Variants in SNTG2 observed in about 807,000 individuals in gnomAD.
SNTG2 encodes gamma-2-syntrophin.
SNTG2 carries 74 observed loss-of-function variants against 70.9 expected under a neutral mutation model. That is an observed-to-expected ratio of 1.04 (90% confidence interval 0.86 to 1.27). The LOEUF (loss-of-function observed/expected upper bound fraction) is 1.27, where lower values mean the gene tolerates loss of function less well. Among genes scored for constraint, SNTG2 ranks in the 50% most tolerant of loss-of-function variants. SNTG2 has a pLI of 0.00. For missense variants in SNTG2, 717 were observed against 690.7 expected, an observed-to-expected ratio of 1.04 and a Z score of -0.43; for synonymous variants, 278 against 273.8, an observed-to-expected ratio of 1.02 and a Z score of -0.15.
In SNTG2 at chr2:1,335,654, T is replaced by C. The variant is rs572636993; in HGVS notation, c.1488+19279T>C. ...AGTGAATTCCGTTTTCCAAGTATCA[T>C]TGCACTAAATCTAGACATGTACTTC... On this transcript the variant is annotated intron_variant, in intron 16 of 16. Transcript: ENST00000308624. Among the ~76,000 whole-genome samples, 6 of 152,254 alleles carry C rather than the reference T, an allele frequency of 3.9e-5. No homozygotes were observed. In the East Asian group the frequency reaches 1.2e-3, roughly 29 times the overall value.
intron 6 of SNTG2, chr2:1,160,875 A>ATT (rs1670228634): frequency 6.6e-6 from 1 of 152,216 alleles, no homozygotes; most frequent in Non-Finnish European, 1.5e-5. Context: ...CGAGGAAGGA[A>ATT]CCTCTGCTGC....
chr2:1,015,547 G>C (rs1659863985), intron 1 of SNTG2, among the ~76,000 whole-genome samples: 1 of 152,194 alleles, frequency 6.6e-6, no homozygotes, highest in Non-Finnish European at 1.5e-5. Flanking sequence ...CAGACAGACA[G>C]TCCAGCAGGT....
intron 15 of SNTG2, among the ~76,000 whole-genome samples, chr2:1,314,188 A>G (rs34801124): frequency 0.38 from 57,543 of 152,072 alleles, 11,334 homozygotes; most frequent in Middle Eastern, 0.52. Context: ...TCAAATTTGA[A>G]CCAAAGACTC....
chr2:1,136,649 C>CTGTTTT (rs1400201574), intron 4 of SNTG2, among the ~76,000 whole-genome samples: 2 of 152,170 alleles, frequency 1.3e-5, no homozygotes, highest in Admixed American at 6.5e-5. Flanking sequence ...CAGGTTATTA[C>CTGTTTT]TTGTTTTCCA....
At chr2:1,022,932 CAAGAG>C in intron 1 of SNTG2, among the ~76,000 whole-genome samples, 1 of 152,184 alleles carries the variant, frequency 6.6e-6, no homozygotes, top group East Asian at 1.9e-4. Flanking sequence ...CTTTAAGAAA[CAAGAG>C]AAGATAAAGG....
chr2:1,332,362 G>C (rs1166282100), intron 16 of SNTG2, among the ~76,000 whole-genome samples: 1 of 152,126 alleles, frequency 6.6e-6, no homozygotes, highest in East Asian at 1.9e-4. Context: ...AGAAGAATGG[G>C]TATCAATTTT....
intron 1 of SNTG2, among the ~76,000 whole-genome samples, chr2:1,039,349 CG>C (rs1173387186): frequency 6.6e-6 from 1 of 152,134 alleles, no homozygotes; most frequent in Admixed American, 6.5e-5. Context: ...AGCAGGTAGA[CG>C]TCTATTTTAA....
intron 1 of SNTG2, among the ~76,000 whole-genome samples, chr2:1,053,338 T>C (rs1662181582): frequency 6.6e-6 from 1 of 152,148 alleles, no homozygotes; most frequent in Non-Finnish European, 1.5e-5. Context: ...TGAAAGTTAT[T>C]TTGGCAAAAA....
At chr2:1,062,753 G>A (rs1662903394) in intron 1 of SNTG2, among the ~76,000 whole-genome samples, 1 of 152,090 alleles carries the variant, frequency 6.6e-6, no homozygotes, top group South Asian at 2.1e-4. Flanking sequence ...CCCCTTAAAA[G>A]GAAATGTGAC....
chr2:1,313,799 C>T (rs987267364), intron 15 of SNTG2, among the ~76,000 whole-genome samples: 4 of 152,238 alleles, frequency 2.6e-5, no homozygotes, highest in African/African-American at 7.2e-5. Flanking sequence ...TGTCCCAACC[C>T]AGAGAAGCTG....
intron 6 of SNTG2, among the ~76,000 whole-genome samples, chr2:1,139,512 A>G (rs1296563009): frequency 6.6e-6 from 1 of 152,158 alleles, no homozygotes; most frequent in Non-Finnish European, 1.5e-5. Context: ...CTGGGATTAC[A>G]GGTGTGAGCT....
chr2:1,016,093 C>G (rs900145353), intron 1 of SNTG2, among the ~76,000 whole-genome samples: 2 of 151,984 alleles, frequency 1.3e-5, no homozygotes, highest in African/African-American at 4.8e-5. Flanking sequence ...CTATCTCCAT[C>G]AACATATCTA....
At chr2:1,247,193 C>A (rs1357299177) in intron 11 of SNTG2, 134 bp from the exon 12 acceptor site, 2 of 590,898 alleles carry the variant, frequency 3.4e-6, no homozygotes, top group South Asian at 2.2e-5. Flanking sequence ...ACTTGGACAT[C>A]TCCACGTTTC....
At chr2:1,341,578 C>G (rs1660089743) in intron 16 of SNTG2, 1 of 152,208 alleles carries the variant, frequency 6.6e-6, no homozygotes, top group Non-Finnish European at 1.5e-5. Flanking sequence ...AGTCTCTTCT[C>G]TTCTCTGGAG....
chr2:1,155,628 G>A (rs954964607), intron 6 of SNTG2, among the ~76,000 whole-genome samples: 6 of 152,312 alleles, frequency 3.9e-5, no homozygotes, highest in African/African-American at 1.4e-4. Context: ...CGTGGTGGTG[G>A]GTGCCAGTGA....
In SNTG2 at chr2:1,259,453, T is replaced by C; in HGVS notation, c.1077+12T>C. On this transcript the variant is annotated intron_variant, in intron 13 of 16. Coordinates refer to ENST00000308624, the MANE Select transcript of SNTG2 (RefSeq NM_018968.4). Reference sequence around the variant, plus strand: ...TTAAAGTTCACAAGGTAGGTATCTTTTGCACTTCAGATGCTTTCATACAAA... The same window carrying C: ...TTAAAGTTCACAAGGTAGGTATCTTCTGCACTTCAGATGCTTTCATACAAA... 1.2e-6 allele frequency: 2 copies of C among 1,610,834 alleles called. No individual in the cohort carries two copies. The highest frequency in any genetic ancestry group is 1.1e-5 in the South Asian group (1 of 90,938).
At chr2:1,275,879 A>C (rs1679245020) in intron 14 of SNTG2, among the ~76,000 whole-genome samples, 1 of 152,214 alleles carries the variant, frequency 6.6e-6, no homozygotes, top group African/African-American at 2.4e-5. Context: ...TGAACTCATG[A>C]ATAATAAGAA....
intron 1 of SNTG2, among the ~76,000 whole-genome samples, chr2:993,699 C>G (rs1277708091): frequency 6.6e-6 from 1 of 151,994 alleles, no homozygotes; most frequent in African/African-American, 2.4e-5. Flanking sequence ...AACTTTGTGT[C>G]TATTTTTTTT....
At chr2:1,168,791 T>C (rs1670926013) in intron 7 of SNTG2, among the ~76,000 whole-genome samples, 1 of 152,028 alleles carries the variant, frequency 6.6e-6, no homozygotes, top group South Asian at 2.1e-4. Flanking sequence ...CACGGGAGCA[T>C]GAATGAAGAC....
Sources: gnomAD v4.1 joint callset for allele counts (sites outside exome capture counted in the v4.1 genomes callset) on GRCh38, gnomAD v4.1.1 for gene constraint, MANE v1.5 for transcripts, NCBI Gene and HGNC (gene_info 2026-07-23, HGNC 2026-07-21) for gene names.